The following PGPEP1 variants were observed in gnomAD, a reference collection of about 807,000 sequenced individuals.
PGPEP1 encodes the protein pyroglutamyl-peptidase 1.
A neutral mutation model predicts 24.1 loss-of-function variants in PGPEP1; 15 were observed. That is an observed-to-expected ratio of 0.62 (90% CI 0.42 to 0.96). PGPEP1 has a LOEUF of 0.96. PGPEP1 is among the 40% of genes least tolerant of loss of function. PGPEP1 has a pLI of 0.00. For synonymous variants in PGPEP1, 122 were observed against 116.4 expected (o/e 1.05, Z -0.31); for missense variants, 242 against 273.4 (o/e 0.89, Z 0.81).
chr19:18,353,216 G>A (rs1971087682), intron 2 of PGPEP1, among the ~76,000 whole-genome samples: 1 of 148,714 alleles, frequency 6.7e-6, no homozygotes, highest in South Asian at 2.1e-4. Context: ...ACCGGGCCTG[G>A]TTCATTTTTT....
chr19:18,355,849 T>C (rs756264545), intron 2 of PGPEP1, 46 bp from the exon 3 acceptor site: 11 of 1,195,908 alleles, frequency 9.2e-6, no homozygotes, highest in Non-Finnish European at 1.4e-5. Flanking sequence ...ATTATCCCCA[T>C]AGCTGTCATC....
At chr19:18,353,762 TTC>T (rs1257900151) in intron 2 of PGPEP1, among the ~76,000 whole-genome samples, 6 of 152,316 alleles carry the variant, frequency 3.9e-5, no homozygotes, top group East Asian at 3.9e-4. Flanking sequence ...TGTGTCTGGC[TTC>T]TCTCACTCAG....
intron 1 of PGPEP1, among the ~76,000 whole-genome samples, chr19:18,342,111 G>A (rs1005989762): frequency 3.9e-5 from 6 of 152,128 alleles, no homozygotes; most frequent in Admixed American, 6.6e-5. Context: ...GTTTCACCAT[G>A]TTGGCCAGGC....
At chr19:18,342,752 G>T (rs541296186) in intron 1 of PGPEP1, 107 bp from the exon 2 acceptor site, 27 of 845,024 alleles carry the variant, frequency 3.2e-5, no homozygotes, top group Non-Finnish European at 4.6e-5. Flanking sequence ...TGGCAGCTGC[G>T]CCCTGAAGCT....
intron 3 of PGPEP1, among the ~76,000 whole-genome samples, 155 bp downstream of exon 3, chr19:18,356,166 C>T (rs1235480927): frequency 6.6e-6 from 1 of 152,214 alleles, no homozygotes; most frequent in Non-Finnish European, 1.5e-5. Flanking sequence ...GGCATGGTGG[C>T]TCATGCCTGT....
In PGPEP1 at chr19:18,358,659, A is replaced by G. The variant is rs533036702; in HGVS notation, c.437+1044A>G. Reference sequence around the variant, plus strand: ...AGATGGAGTTTTGCTCTTGTTGCCCAGGCTGGAGTGCAATGGCGCCATCTC... The same window carrying G: ...AGATGGAGTTTTGCTCTTGTTGCCCGGGCTGGAGTGCAATGGCGCCATCTC... On this transcript the variant is annotated intron_variant, in intron 4 of 4. Coordinates refer to ENST00000269919, the MANE Select transcript of PGPEP1 (RefSeq NM_017712.4). Among the ~76,000 whole-genome samples the G allele has an allele frequency of 3.8e-3, 573 of 151,994 alleles. 4 individuals are homozygous for G. The highest frequency in any genetic ancestry group is 0.013 in the African/African-American group (544 of 41,476).
chr19:18,359,508 C>A (rs992316005), intron 4 of PGPEP1, among the ~76,000 whole-genome samples: 1 of 126,066 alleles, frequency 7.9e-6, no homozygotes, highest in Non-Finnish European at 1.7e-5. Flanking sequence ...TCTTTCCAGT[C>A]TTTTTTTTTT....
At chr19:18,342,780 G>A (rs916428054) in intron 1 of PGPEP1, 79 bp from the exon 2 acceptor site, 1 of 1,082,592 alleles carries the variant, frequency 9.2e-7, no homozygotes, top group Non-Finnish European at 1.4e-6. Context: ...TGCTTCTCCA[G>A]GTGGGAGTAG....
rs1971607454 is a variant in PGPEP1, at chr19:18,368,158, C to G, written c.*4575C>G. ...AAAATTAAGAAAAAAAAAAGGGGGGCCAGGCGCAGTGGCTTATGCCTGTTA... is the reference window on the plus strand; with the variant it reads ...AAAATTAAGAAAAAAAAAAGGGGGGGCAGGCGCAGTGGCTTATGCCTGTTA... On this transcript the variant is annotated 3_prime_UTR_variant, in exon 5 of 5. Transcript: ENST00000269919. The G allele has an allele frequency of 1.3e-5, 2 of 151,868 alleles. No individual in the cohort carries two copies. Among genetic ancestry groups the G allele is most frequent in the Non-Finnish European group, 1.5e-5 (1 of 68,106 alleles). 9.4% of individuals were successfully genotyped at this position (151,868 alleles called of 1,614,324 possible). A position where few individuals can be genotyped will look rare whatever the true frequency, so the allele number is the denominator to read the frequency against.
At chr19:18,343,002 ACTT>A in intron 2 of PGPEP1, 91 bp downstream of exon 2, 2 of 952,016 alleles carry the variant, frequency 2.1e-6, no homozygotes, top group East Asian at 2.4e-5. Flanking sequence ...TTTAACAAAA[ACTT>A]TTTTTTTTTT....
chr19:18,363,171 T>G (rs1971397063), intron 4 of PGPEP1, among the ~76,000 whole-genome samples: 1 of 151,672 alleles, frequency 6.6e-6, no homozygotes, highest in Middle Eastern at 3.2e-3. Flanking sequence ...TCCTCCCGCC[T>G]CAACCTCCTG....
intron 2 of PGPEP1, among the ~76,000 whole-genome samples, chr19:18,346,173 C>A (rs1314592146): frequency 6.6e-6 from 1 of 152,068 alleles, no homozygotes; most frequent in Non-Finnish European, 1.5e-5. Context: ...TTTGCCTGTT[C>A]CAGAAGTTGG....
At chr19:18,341,410 C>T (rs1196346562) in intron 1 of PGPEP1, among the ~76,000 whole-genome samples, 2 of 152,198 alleles carry the variant, frequency 1.3e-5, no homozygotes, top group East Asian at 1.9e-4. Context: ...GCCTCGGGGC[C>T]ACGTGGGGCG....
Position 18,363,507 on chromosome 19 carries a change from T to C in PGPEP1, c.554T>C (p.Leu185Pro). The C allele has an allele frequency of 1.9e-6, 3 of 1,614,164 alleles. No homozygotes were observed. Among genetic ancestry groups the C allele is most frequent in the Non-Finnish European group, 2.5e-6 (3 of 1,180,008 alleles). Reference protein sequence around the residue: ...PYNADQLGRALRAIIEEMLDL... With the variant: ...PYNADQLGRAPRAIIEEMLDL... ...AACGCGGACCAGCTGGGCAGGGCACTGAGAGCCATCATTGAGGAGATGTTG... is the reference window on the plus strand; with the variant it reads ...AACGCGGACCAGCTGGGCAGGGCACCGAGAGCCATCATTGAGGAGATGTTG... The change falls in exon 5 of 5, where the codon CTG becomes CCG. Residue 185 changes from leucine to proline, a missense_variant. Leu to Pro is a moderately conservative substitution (Grantham distance 98). Coordinates refer to ENST00000269919, the MANE Select transcript of PGPEP1 (RefSeq NM_017712.4).
At chr19:18,360,357 T>C (rs1971309484) in intron 4 of PGPEP1, among the ~76,000 whole-genome samples, 1 of 152,044 alleles carries the variant, frequency 6.6e-6, no homozygotes, top group Non-Finnish European at 1.5e-5. Flanking sequence ...CTAATTGTTA[T>C]TTAGTTGTTT....
rs1467260006 is a variant in PGPEP1 at position 18,357,639 on chromosome 19, G to C, written c.437+24G>C. The C allele has an allele frequency of 2.0e-6, 3 of 1,525,148 alleles. No homozygotes were observed. The Admixed American group carries it at 5.6e-5, about 28-fold the overall frequency. 94.5% of individuals were successfully genotyped at this position (1,525,148 alleles called of 1,614,324 possible). On this transcript the variant is annotated intron_variant, in intron 4 of 4. Transcript: ENST00000269919. Reference sequence around the variant, plus strand: ...AGGTAGGGCCCTGTGGGGTGGGAGTGAGTGGGGATTTCCCTCCTCCACCCA... The same window carrying C: ...AGGTAGGGCCCTGTGGGGTGGGAGTCAGTGGGGATTTCCCTCCTCCACCCA...
rs114712484 is a variant in PGPEP1 at position 18,365,659 on chromosome 19, A to C, written c.*2076A>C. On this transcript the variant is annotated 3_prime_UTR_variant, in exon 5 of 5. Coordinates refer to ENST00000269919, the MANE Select transcript of PGPEP1 (RefSeq NM_017712.4). ...GCACCCAGCCCAGTTCTTTCTTAAA[A>C]CAGCTGAGAGTTTTGTTTTCTTCAG... The C allele has an allele frequency of 1.3e-5, 2 of 152,170 alleles. No homozygotes were observed. The allele number at this position is 152,170 out of a possible 1,614,324, so 9.4% of individuals were successfully genotyped here.
At chr19:18,361,730 C>CTA in intron 4 of PGPEP1, 1 of 985,306 alleles carries the variant, frequency 1.0e-6, no homozygotes, top group South Asian at 4.7e-5. Context: ...CATGAAGCTC[C>CTA]TACTGACTGA....
chr19:18,360,423 C>A (rs1971311936), intron 4 of PGPEP1, among the ~76,000 whole-genome samples: 2 of 152,098 alleles, frequency 1.3e-5, no homozygotes, highest in African/African-American at 4.8e-5. Flanking sequence ...GTGGCAAAAT[C>A]ACAGCTCATT....
Sources: allele counts gnomAD v4.1 joint callset (sites outside exome capture counted in the v4.1 genomes callset), GRCh38; gene constraint gnomAD v4.1.1; transcripts MANE v1.5; gene names NCBI Gene and HGNC (gene_info 2026-07-23, HGNC 2026-07-21).